The following THSD4 variants were observed in gnomAD, a reference collection of about 807,000 sequenced individuals.
THSD4 encodes the protein thrombospondin type 1 domain containing 4, also known as thrombospondin type-1 domain-containing protein 4.
In THSD4, 69 loss-of-function variants were observed where a neutral mutation model predicts 119.0. That is an observed-to-expected ratio of 0.58 (90% CI 0.48 to 0.71). THSD4 has a LOEUF of 0.71. Ranked by LOEUF, THSD4 falls within the 30% of genes least tolerant of loss-of-function variation. The probability of loss-of-function intolerance (pLI) is 0.00; values close to 1 mark genes in which losing one functional copy is unlikely to be tolerated. For missense variants in THSD4, 1,393 were observed against 1,391.1 expected, an observed-to-expected ratio of 1.00 and a Z score of -0.02; for synonymous variants, 524 against 540.4, an observed-to-expected ratio of 0.97 and a Z score of 0.42.
At chr15:71,274,995 G>A (rs371024207) in intron 6 of THSD4, among the ~76,000 whole-genome samples, 1 of 152,094 alleles carries the variant, frequency 6.6e-6, no homozygotes, top group African/African-American at 2.4e-5. Flanking sequence ...CGATCCTATT[G>A]TTTCTCTCTT....
chr15:71,565,973 A>G (rs1395466819), intron 7 of THSD4, among the ~76,000 whole-genome samples: 1 of 152,158 alleles, frequency 6.6e-6, no homozygotes, highest in Non-Finnish European at 1.5e-5. Context: ...AGAGGCTCCT[A>G]GAATTGAAAC....
chr15:71,457,201 G>A (rs1430382825), intron 7 of THSD4, among the ~76,000 whole-genome samples: 1 of 151,942 alleles, frequency 6.6e-6, no homozygotes, highest in Non-Finnish European at 1.5e-5. Flanking sequence ...GGGCAACATG[G>A]TGAAACCCTA....
At chr15:71,173,418 C>T (rs2043403098) in intron 3 of THSD4, among the ~76,000 whole-genome samples, 1 of 151,722 alleles carries the variant, frequency 6.6e-6, no homozygotes. Context: ...AATTGGAAAA[C>T]TTAATATTGT....
Position 71,778,839 on chromosome 15 carries a change from A to C in THSD4, c.*1465A>C, listed in dbSNP as rs2053957547. On this transcript the variant is annotated 3_prime_UTR_variant, in exon 18 of 18. Transcript: ENST00000261862. The stretch of plus-strand genomic sequence containing the variant: ...AGAGGCCGCAGGCCTGGAAGGATGC[A>C]GTGCATATTGAAAGGTGGACCCTCT... 1 of 152,284 alleles carries C rather than the reference A, an allele frequency of 6.6e-6. No individual in the cohort carries two copies. Among genetic ancestry groups the C allele is most frequent in the East Asian group, 1.9e-4 (1 of 5,194 alleles). The allele number at this position is 152,284 out of a possible 1,614,324, so 9.4% of individuals were successfully genotyped here.
At chr15:71,546,830 G>A (rs2048844270) in intron 7 of THSD4, among the ~76,000 whole-genome samples, 1 of 152,184 alleles carries the variant, frequency 6.6e-6, no homozygotes. Context: ...GATCTAAAAG[G>A]GAACTCAGAA....
At chr15:71,136,335 A>C (rs552153149) in intron 1 of THSD4, among the ~76,000 whole-genome samples, 6 of 152,070 alleles carry the variant, frequency 3.9e-5, no homozygotes, top group African/African-American at 1.4e-4. Flanking sequence ...CTGCGAACAG[A>C]TGGTCAAGGT....
At chr15:71,320,186 G>A (rs928534899) in intron 6 of THSD4, among the ~76,000 whole-genome samples, 2 of 152,192 alleles carry the variant, frequency 1.3e-5, no homozygotes, top group African/African-American at 4.8e-5. Flanking sequence ...TCAACTATGT[G>A]AGGATCATTC....
chr15:71,448,303 T>C (rs2140574758), intron 7 of THSD4, among the ~76,000 whole-genome samples: 1 of 152,352 alleles, frequency 6.6e-6, no homozygotes, highest in Admixed American at 6.5e-5. Flanking sequence ...GAAATGTCAT[T>C]TGCCCAAGGC....
chr15:71,526,470 T>C (rs1392838674), intron 7 of THSD4, among the ~76,000 whole-genome samples: 1 of 152,206 alleles, frequency 6.6e-6, no homozygotes, highest in Non-Finnish European at 1.5e-5. Context: ...GTGCTGTCTT[T>C]AGGTTTCGTT....
At chr15:71,656,513 G>A (rs1189715404) in intron 7 of THSD4, among the ~76,000 whole-genome samples, 5 of 152,192 alleles carry the variant, frequency 3.3e-5, no homozygotes, top group African/African-American at 1.2e-4. Context: ...TCTTAATCCT[G>A]CAAGAGGAGA....
Position 71,442,660 on chromosome 15 carries a change from GTATATA to G in THSD4, c.1152+30875_1152+30880del, listed in dbSNP as rs71154772. On this transcript the variant is annotated intron_variant, in intron 7 of 17. Coordinates refer to ENST00000261862, the MANE Select transcript of THSD4 (RefSeq NM_024817.3). Reference sequence around the variant, plus strand: ...TGTGTGTATATGTGTGTGTGTGTGTGTATATATATATATATATATATATATATATAT... The same window carrying G: ...TGTGTGTATATGTGTGTGTGTGTGTGTATATATATATATATATATATATAT... Among the ~76,000 whole-genome samples, 105 of 25,808 alleles carry G rather than the reference GTATATA, an allele frequency of 4.1e-3. 5 individuals are homozygous for G. The highest frequency in any genetic ancestry group is 7.7e-3 in the African/African-American group (71 of 9,256). The allele number at this position is 25,808 out of a possible 152,430, so 16.9% of individuals were successfully genotyped here.
At chr15:71,693,064 G>A (rs1291489040) in intron 8 of THSD4, among the ~76,000 whole-genome samples, 2 of 151,670 alleles carry the variant, frequency 1.3e-5, no homozygotes, top group Non-Finnish European at 2.9e-5. Context: ...TTAGTGATAG[G>A]TTCGTTTGAA....
intron 13 of THSD4, 109 bp downstream of exon 13, chr15:71,747,151 G>A (rs1263910437): frequency 2.3e-6 from 3 of 1,299,904 alleles, no homozygotes; most frequent in Non-Finnish European, 3.2e-6. Flanking sequence ...CCACAGGAGG[G>A]AACCCGTCCC....
At chr15:71,744,464 G>T (rs1335357523) in intron 11 of THSD4, among the ~76,000 whole-genome samples, 2 of 152,064 alleles carry the variant, frequency 1.3e-5, no homozygotes, top group African/African-American at 4.8e-5. Flanking sequence ...TTTATTAGAA[G>T]AACATGAAAG....
chr15:71,234,442 C>T (rs868812494), intron 4 of THSD4, among the ~76,000 whole-genome samples: 1 of 152,150 alleles, frequency 6.6e-6, no homozygotes, highest in Non-Finnish European at 1.5e-5. Flanking sequence ...GTAGCTGGGA[C>T]CACAGGCATA....
intron 6 of THSD4, among the ~76,000 whole-genome samples, chr15:71,333,654 CAGACTG>C (rs533885445): frequency 9.1e-4 from 138 of 152,188 alleles, no homozygotes; most frequent in African/African-American, 3.1e-3. Context: ...AAAAATCGGC[CAGACTG>C]AGGGTACAAA....
chr15:71,586,221 C>T (rs2049667271), intron 7 of THSD4, among the ~76,000 whole-genome samples: 1 of 152,150 alleles, frequency 6.6e-6, no homozygotes, highest in Non-Finnish European at 1.5e-5. Flanking sequence ...TAAAGACTTT[C>T]TCTTGGCTGA....
At chr15:71,132,391 G>A (rs1406635397) in intron 1 of THSD4, among the ~76,000 whole-genome samples, 3 of 152,144 alleles carry the variant, frequency 2.0e-5, no homozygotes, top group East Asian at 1.9e-4. Context: ...CTAATGAGAT[G>A]CTTATGAGGT....
intron 5 of THSD4, among the ~76,000 whole-genome samples, chr15:71,243,362 C>T: frequency 6.6e-6 from 1 of 151,840 alleles, no homozygotes; most frequent in South Asian, 2.1e-4. Flanking sequence ...TAATTATTAA[C>T]AGCTATTGCT....
Sources: gnomAD v4.1 joint callset for allele counts (sites outside exome capture counted in the v4.1 genomes callset) on GRCh38, gnomAD v4.1.1 for gene constraint, MANE v1.5 for transcripts, NCBI Gene and HGNC (gene_info 2026-07-23, HGNC 2026-07-21) for gene names.